ARK2C: variants seen among roughly 807,000 people sequenced by gnomAD.
ARK2C encodes the protein E3 ubiquitin-protein ligase ARK2C.
chr18:46,352,819 G>T, the ARK2C span, among the ~76,000 whole-genome samples: 1 of 152,214 alleles, frequency 6.6e-6, no homozygotes, highest in Non-Finnish European at 1.5e-5. Context: ...GAATTTAGGG[G>T]TTGCATTACC....
chr18:46,404,797 CACA>C, the ARK2C span, among the ~76,000 whole-genome samples: 9 of 151,168 alleles, frequency 6.0e-5, no homozygotes, highest in Non-Finnish European at 8.9e-5. Flanking sequence ...TACACACACA[CACA>C]ACAACCCCCC....
At chr18:46,358,252 T>A in the ARK2C span, among the ~76,000 whole-genome samples, 4,593 of 152,150 alleles carry the variant, frequency 0.03, 233 homozygotes, top group African/African-American at 0.1. Flanking sequence ...TTGCGCAGGC[T>A]GGGGTGGACA....
the ARK2C span, among the ~76,000 whole-genome samples, chr18:46,421,098 T>G: frequency 1.1e-3 from 172 of 152,340 alleles, no homozygotes; most frequent in African/African-American, 3.9e-3. Context: ...TTGATTGTGA[T>G]GCACACTGAC....
At chr18:46,429,169 TA>T in the ARK2C span, among the ~76,000 whole-genome samples, 2 of 152,244 alleles carry the variant, frequency 1.3e-5, no homozygotes, top group Non-Finnish European at 2.9e-5. Context: ...TTGTGGGAAT[TA>T]AAGTTCTAGA....
At chr18:46,426,566 A>G in the ARK2C span, among the ~76,000 whole-genome samples, 7 of 152,076 alleles carry the variant, frequency 4.6e-5, no homozygotes, top group Non-Finnish European at 8.8e-5. Flanking sequence ...CACCTCACTC[A>G]GGCCCCCACC....
chr18:46,414,830 T>C, the ARK2C span, among the ~76,000 whole-genome samples: 66 of 152,256 alleles, frequency 4.3e-4, 1 homozygote, highest in Admixed American at 1.3e-4. Context: ...CCGTGTTAGA[T>C]TCATTGGGAG....
At chr18:46,411,184 G>A in the ARK2C span, among the ~76,000 whole-genome samples, 2 of 152,348 alleles carry the variant, frequency 1.3e-5, no homozygotes, top group East Asian at 3.9e-4. Context: ...GGAAACGACA[G>A]CCCCTTGGGG....
the ARK2C span, among the ~76,000 whole-genome samples, chr18:46,399,672 A>G: frequency 6.6e-6 from 1 of 152,182 alleles, no homozygotes; most frequent in Admixed American, 6.5e-5. Context: ...CTCTAGGAGC[A>G]GTAGACTATA....
chr18:46,433,563 G>A, the ARK2C span: 2 of 1,447,418 alleles, frequency 1.4e-6, no homozygotes, highest in Non-Finnish European at 1.9e-6. Flanking sequence ...AGGGGGCAGG[G>A]CCAGGGCGTG....
At chr18:46,411,211 T>C in the ARK2C span, among the ~76,000 whole-genome samples, 1 of 152,210 alleles carries the variant, frequency 6.6e-6, no homozygotes, top group South Asian at 2.1e-4. Context: ...GTGTGAGGCA[T>C]TGCAGGAGAG....
the ARK2C span, among the ~76,000 whole-genome samples, chr18:46,409,581 A>G: frequency 6.6e-6 from 1 of 152,166 alleles, no homozygotes; most frequent in Non-Finnish European, 1.5e-5. Context: ...ACATCTAACC[A>G]GAGTGGAAGT....
chr18:46,432,412 A>C, the ARK2C span, among the ~76,000 whole-genome samples: 1 of 152,292 alleles, frequency 6.6e-6, no homozygotes, highest in African/African-American at 2.4e-5. Context: ...AAGTGTATGC[A>C]AAACAACTTC....
chr18:46,432,336 C>A, the ARK2C span, among the ~76,000 whole-genome samples: 276 of 152,314 alleles, frequency 1.8e-3, 2 homozygotes, highest in African/African-American at 5.9e-3. Context: ...AATGTTATAA[C>A]ACATTATTTA....
chr18:46,438,968 A>G, the ARK2C span, among the ~76,000 whole-genome samples: 1 of 152,216 alleles, frequency 6.6e-6, no homozygotes, highest in Non-Finnish European at 1.5e-5. Flanking sequence ...TCTCACAGCT[A>G]AGAAGGGATG....
At chr18:46,341,856 C>T in the ARK2C span, among the ~76,000 whole-genome samples, 3 of 152,152 alleles carry the variant, frequency 2.0e-5, no homozygotes, top group Non-Finnish European at 4.4e-5. Flanking sequence ...CAAACTTTGT[C>T]TTTCTTGAAA....
the ARK2C span, among the ~76,000 whole-genome samples, chr18:46,384,363 GA>G: frequency 1.3e-5 from 2 of 152,310 alleles, no homozygotes; most frequent in Admixed American, 6.5e-5. Context: ...GTGTGGGGGG[GA>G]TTCTTGATAC....
chr18:46,404,804 A>ACAAC, the ARK2C span, among the ~76,000 whole-genome samples: 1 of 149,530 alleles, frequency 6.7e-6, no homozygotes, highest in African/African-American at 2.5e-5. Flanking sequence ...ACACACAACA[A>ACAAC]CCCCCCCACC....
At chr18:46,346,762 C>G in the ARK2C span, among the ~76,000 whole-genome samples, 1 of 152,192 alleles carries the variant, frequency 6.6e-6, no homozygotes, top group African/African-American at 2.4e-5. Context: ...ACCACACACC[C>G]CACTTCCCCC....
At chr18:46,356,535 T>C in the ARK2C span, among the ~76,000 whole-genome samples, 1 of 152,288 alleles carries the variant, frequency 6.6e-6, no homozygotes, top group South Asian at 2.1e-4. Context: ...GGTTGATTCT[T>C]GCCTCTGTTG....
Sources: allele counts gnomAD v4.1 joint callset (sites outside exome capture counted in the v4.1 genomes callset), GRCh38; gene constraint gnomAD v4.1.1; transcripts MANE v1.5; gene names NCBI Gene and HGNC (gene_info 2026-07-23, HGNC 2026-07-21).